TMEM132D: variants seen among roughly 807,000 people sequenced by gnomAD.
TMEM132D encodes the protein transmembrane protein 132D.
A neutral mutation model predicts 62.3 loss-of-function variants in TMEM132D; 21 were observed. The ratio of observed to expected loss-of-function variants is 0.34; its 90% CI spans 0.24 to 0.49. TMEM132D has a LOEUF of 0.49. Ranked by LOEUF, TMEM132D falls within the 20% of genes least tolerant of loss-of-function variation. The pLI, the probability that TMEM132D is intolerant of heterozygous loss-of-function variation, is 0.99. For missense variants in TMEM132D, 1,346 were observed against 1,402.8 expected (o/e 0.96, Z 0.65); for synonymous variants, 621 against 575.6 (o/e 1.08, Z -1.13).
intron 2 of TMEM132D, among the ~76,000 whole-genome samples, chr12:129,614,933 T>G (rs1878874816): frequency 6.6e-6 from 1 of 152,202 alleles, no homozygotes; most frequent in South Asian, 2.1e-4. Context: ...TTCTAACCTC[T>G]AACTGAATCA....
chr12:129,517,498 G>A (rs1875717011), intron 3 of TMEM132D, among the ~76,000 whole-genome samples: 1 of 152,092 alleles, frequency 6.6e-6, no homozygotes, highest in Admixed American at 6.6e-5. Context: ...GAGAAGCCAG[G>A]GCCATTCAGT....
rs1875467590 is a variant in TMEM132D at position 129,903,979 on chromosome 12, C to G, written c.-640G>C. Among the ~76,000 whole-genome samples, 1 of 149,042 alleles carries G rather than the reference C, an allele frequency of 6.7e-6. No individual in the cohort carries two copies. Among genetic ancestry groups the G allele is most frequent in the South Asian group, 2.1e-4 (1 of 4,830 alleles). On this transcript the variant is annotated 5_prime_UTR_variant, in exon 1 of 9. Transcript: ENST00000422113. This position sits in a 1 kb window ranked among gnomAD's most constrained non-coding sequence, Gnocchi z 6.2. ...GGCCGCCGCCTCGGCCCGCCCGGCC[C>G]CGGGCCCGGCTGGGGCTCGCGGGGC...
chr12:129,342,924 CAAG>C, intron 3 of TMEM132D, among the ~76,000 whole-genome samples: 1 of 152,268 alleles, frequency 6.6e-6, no homozygotes, highest in Middle Eastern at 3.4e-3. Flanking sequence ...AGTCAGGAAA[CAAG>C]AGGTGCTGGA....
chr12:129,466,396 T>C (rs1303508099), intron 3 of TMEM132D, among the ~76,000 whole-genome samples: 1 of 144,254 alleles, frequency 6.9e-6, no homozygotes, highest in African/African-American at 2.5e-5. Context: ...ACTGCAGCCT[T>C]GAACTCCTGG....
chr12:129,750,365 G>A lies in TMEM132D; in HGVS notation c.80-49667C>T, dbSNP rs1221785731. ...CTCCCAAAGTGCTGGGATTACAGGCGTGAGCTACCGCGCCCAGCCAGATGC... is the reference window on the plus strand; with the variant it reads ...CTCCCAAAGTGCTGGGATTACAGGCATGAGCTACCGCGCCCAGCCAGATGC... On this transcript the variant is annotated intron_variant, in intron 1 of 8. Transcript: ENST00000422113. Among the ~76,000 whole-genome samples, 11 of 152,236 alleles carry A rather than the reference G, an allele frequency of 7.2e-5. No homozygotes were observed. The South Asian group carries it at 1.7e-3, about 23-fold the overall frequency.
At chr12:129,589,963 C>T in intron 2 of TMEM132D, among the ~76,000 whole-genome samples, 1 of 152,132 alleles carries the variant, frequency 6.6e-6, no homozygotes, top group East Asian at 1.9e-4. Flanking sequence ...ATTAAACCAT[C>T]CCTTTTCATG....
At chr12:129,507,923 C>G (rs1875386620) in intron 3 of TMEM132D, among the ~76,000 whole-genome samples, 1 of 152,186 alleles carries the variant, frequency 6.6e-6, no homozygotes, top group South Asian at 2.1e-4. Flanking sequence ...ATGTTAGACA[C>G]CAAAACTCCA....
At chr12:129,336,512 C>T (rs1419414049) in intron 4 of TMEM132D, among the ~76,000 whole-genome samples, 1 of 151,732 alleles carries the variant, frequency 6.6e-6, no homozygotes, top group Non-Finnish European at 1.5e-5. Context: ...GCAAAGGTTG[C>T]AGTGAGCCAA....
chr12:129,311,935 CCT>C (rs1881986408), intron 4 of TMEM132D, among the ~76,000 whole-genome samples: 1 of 152,014 alleles, frequency 6.6e-6, no homozygotes, highest in African/African-American at 2.4e-5. Flanking sequence ...GGTCCTTGGG[CCT>C]CAGTAAGCAC....
At chr12:129,369,129 C>A (rs1353052726) in intron 3 of TMEM132D, among the ~76,000 whole-genome samples, 1 of 152,296 alleles carries the variant, frequency 6.6e-6, no homozygotes, top group African/African-American at 2.4e-5. Flanking sequence ...TCGACTTGGA[C>A]CTTTGTTCTA....
intron 2 of TMEM132D, among the ~76,000 whole-genome samples, chr12:129,635,592 G>A (rs536798531): frequency 1.3e-5 from 2 of 152,188 alleles, no homozygotes; most frequent in African/African-American, 2.4e-5. Context: ...TGAAACCAGC[G>A]CTCAGGGGAC....
chr12:129,240,072 T>C (rs1218856304), intron 4 of TMEM132D, among the ~76,000 whole-genome samples: 1 of 152,126 alleles, frequency 6.6e-6, no homozygotes, highest in African/African-American at 2.4e-5. Flanking sequence ...TTTCTAGCAT[T>C]AGGGATAAAA....
intron 5 of TMEM132D, among the ~76,000 whole-genome samples, chr12:129,187,828 C>T (rs1191530538): frequency 1.3e-5 from 2 of 152,262 alleles, no homozygotes; most frequent in Non-Finnish European, 2.9e-5. Context: ...TTTCTCCACT[C>T]TTACGAAGTC....
At chr12:129,630,655 T>TTATGA (rs559918760) in intron 2 of TMEM132D, among the ~76,000 whole-genome samples, 1 of 152,214 alleles carries the variant, frequency 6.6e-6, no homozygotes, top group South Asian at 2.1e-4. Flanking sequence ...TATTCAATAC[T>TTATGA]TATGATATGC....
At chr12:129,886,835 T>C (rs552856939) in intron 1 of TMEM132D, among the ~76,000 whole-genome samples, 2 of 152,284 alleles carry the variant, frequency 1.3e-5, no homozygotes, top group South Asian at 4.1e-4. Context: ...GTTCTCCTGA[T>C]AGTGAGTCCT....
intron 2 of TMEM132D, among the ~76,000 whole-genome samples, chr12:129,611,465 T>C (rs1258889932): frequency 6.6e-6 from 1 of 152,222 alleles, no homozygotes; most frequent in Non-Finnish European, 1.5e-5. Context: ...GGGTTGTGGA[T>C]ATTTTTCCCA....
At position 129,725,290 on chromosome 12, in the gene TMEM132D, T is replaced by C. The variant is rs541668068; in HGVS notation, c.80-24592A>G. On this transcript the variant is annotated intron_variant, in intron 1 of 8. Transcript: ENST00000422113. ...ATGGTACAACGAGTCCATCATTCAC[T>C]ATGTATTTCTATATGCCTACAGATA... Among the ~76,000 whole-genome samples the C allele has an allele frequency of 3.3e-5, 5 of 152,390 alleles. No individual in the cohort carries two copies. The South Asian group carries it at 6.2e-4, about 19-fold the overall frequency.
intron 1 of TMEM132D, among the ~76,000 whole-genome samples, chr12:129,895,528 G>A (rs562759020): frequency 4.5e-4 from 69 of 152,252 alleles, no homozygotes; most frequent in Non-Finnish European, 8.4e-4. Context: ...AGGCCTCCTC[G>A]GGCCAATTGG....
chr12:129,190,903 T>C (rs931642349), intron 5 of TMEM132D, among the ~76,000 whole-genome samples: 3 of 152,158 alleles, frequency 2.0e-5, no homozygotes, highest in Non-Finnish European at 2.9e-5. Context: ...GTCCTGCCGG[T>C]GAGACCCCCT....
Sources: gnomAD v4.1 joint callset for allele counts (sites outside exome capture counted in the v4.1 genomes callset) on GRCh38, gnomAD v4.1.1 for gene constraint, Gnocchi (gnomAD v3.1) non-coding constraint, MANE v1.5 for transcripts, NCBI Gene and HGNC (gene_info 2026-07-23, HGNC 2026-07-21) for gene names.